The following C3orf70 variants were observed in gnomAD, a reference collection of about 807,000 sequenced individuals.
C3orf70 encodes UPF0524 protein C3orf70.
C3orf70 carries 15 observed loss-of-function variants against 20.7 expected under a neutral mutation model. That is an observed-to-expected ratio of 0.72 (90% CI 0.48 to 1.11). The LOEUF (loss-of-function observed/expected upper bound fraction) is 1.11, where lower values mean the gene tolerates loss of function less well. Ranked by LOEUF, C3orf70 falls within the 50% of genes most tolerant of loss-of-function variation. The probability of loss-of-function intolerance (pLI) is 0.00; values close to 1 mark genes in which losing one functional copy is unlikely to be tolerated. For synonymous variants in C3orf70, 161 were observed against 125.7 expected (o/e 1.28, Z -1.88); for missense variants, 332 against 317.6 (o/e 1.05, Z -0.34).
In C3orf70 at chr3:185,077,797, G is replaced by T. The variant is rs531211013; in HGVS notation, c.*5210C>A. ...ATGCTATTTGGTGGTGGTGGGGGGG[G>T]GGTATCAAGTTTTATTTGCTATAAA... On this transcript the variant is annotated 3_prime_UTR_variant, in exon 2 of 2. Transcript: ENST00000335012. Among the ~76,000 whole-genome samples, 3 of 150,302 alleles carry T rather than the reference G, an allele frequency of 2.0e-5. No homozygotes were observed. The highest frequency in any genetic ancestry group is 4.4e-5 in the Non-Finnish European group (3 of 67,632).
At chr3:185,108,130 C>T (rs1715986610) in intron 1 of C3orf70, among the ~76,000 whole-genome samples, 1 of 152,110 alleles carries the variant, frequency 6.6e-6, no homozygotes, top group African/African-American at 2.4e-5. Context: ...TGTAAGTATT[C>T]TTGATAATCA....
At chr3:185,128,482 C>T (rs1716458813) in intron 1 of C3orf70, among the ~76,000 whole-genome samples, 1 of 151,066 alleles carries the variant, frequency 6.6e-6, no homozygotes, top group South Asian at 2.1e-4. Flanking sequence ...GAGCCGATAT[C>T]GCACCACTGC....
intron 1 of C3orf70, among the ~76,000 whole-genome samples, chr3:185,119,445 G>A (rs1051491960): frequency 1.3e-5 from 2 of 152,072 alleles, no homozygotes; most frequent in African/African-American, 4.8e-5. Context: ...GAAGTCAGGA[G>A]ATCAAGACCA....
intron 1 of C3orf70, among the ~76,000 whole-genome samples, chr3:185,116,781 A>AT (rs34415840): frequency 0.06 from 8,649 of 143,500 alleles, 713 homozygotes; most frequent in African/African-American, 0.19. Flanking sequence ...AACCCTCTAC[A>AT]TTTTTTTTTT....
chr3:185,136,918 C>T (rs985073801), intron 1 of C3orf70, among the ~76,000 whole-genome samples: 9 of 36,784 alleles, frequency 2.4e-4, no homozygotes, highest in African/African-American at 9.0e-4. Context: ...AAAACAACAA[C>T]AACAACAACA....
intron 1 of C3orf70, among the ~76,000 whole-genome samples, chr3:185,084,120 T>C (rs1715411160): frequency 1.3e-5 from 2 of 151,950 alleles, no homozygotes; most frequent in African/African-American, 2.4e-5. Flanking sequence ...GAAGCGGAGG[T>C]TGCAGTGAGC....
rs992269659 is a variant in C3orf70 at position 185,077,379 on chromosome 3, G to A, written c.*5628C>T. On this transcript the variant is annotated 3_prime_UTR_variant, in exon 2 of 2. Transcript: ENST00000335012. ...TACGAGCTGTGCCACACTGGGTAAA[G>A]ATGTGGACTTCTTGAGCTCTTTTCC... 1.3e-5 allele frequency among the ~76,000 whole-genome samples: 2 copies of A among 152,202 alleles called. No individual in the cohort carries two copies. The highest frequency in any genetic ancestry group is 6.5e-5 in the Admixed American group (1 of 15,278).
intron 1 of C3orf70, among the ~76,000 whole-genome samples, chr3:185,144,684 C>A (rs1032885884): frequency 2.0e-5 from 3 of 149,784 alleles, no homozygotes; most frequent in Non-Finnish European, 4.4e-5. Flanking sequence ...GTTGGCCAGG[C>A]TGGTCTTGAA....
In C3orf70 at chr3:185,079,819, T is replaced by C. The variant is rs971533461; in HGVS notation, c.*3188A>G. ...AATGAGCATATTACTGGGTCCAAAG[T>C]ATACAGCTTTCATATCTGTCAGTCA... On this transcript the variant is annotated 3_prime_UTR_variant, in exon 2 of 2. Coordinates refer to ENST00000335012, the MANE Select transcript of C3orf70 (RefSeq NM_001025266.3). 4 of 152,682 alleles carry C rather than the reference T, an allele frequency of 2.6e-5. No individual in the cohort carries two copies. The highest frequency in any genetic ancestry group is 5.9e-5 in the Non-Finnish European group (4 of 68,044). The allele number at this position is 152,682 out of a possible 1,614,324, so 9.5% of individuals were successfully genotyped here.
At chr3:185,130,146 T>C (rs915925493) in intron 1 of C3orf70, among the ~76,000 whole-genome samples, 2 of 152,192 alleles carry the variant, frequency 1.3e-5, no homozygotes, top group Admixed American at 6.6e-5. Flanking sequence ...TTTACTAAAG[T>C]TTGGGCTAAA....
intron 1 of C3orf70, among the ~76,000 whole-genome samples, chr3:185,149,089 T>C (rs542160845): frequency 1.3e-5 from 2 of 152,294 alleles, no homozygotes; most frequent in South Asian, 4.1e-4. Flanking sequence ...TTTAAAAGAA[T>C]TACAAAAGTA....
chr3:185,116,480 C>A (rs1397220261), intron 1 of C3orf70, among the ~76,000 whole-genome samples: 2 of 152,188 alleles, frequency 1.3e-5, no homozygotes, highest in Non-Finnish European at 2.9e-5. Context: ...TTAGGCTGGA[C>A]AATTCTTGTG....
At chr3:185,097,342 A>C (rs1715730279) in intron 1 of C3orf70, among the ~76,000 whole-genome samples, 1 of 152,234 alleles carries the variant, frequency 6.6e-6, no homozygotes, top group South Asian at 2.1e-4. Flanking sequence ...AATGTATACT[A>C]AAACCTATTT....
chr3:185,104,132 C>T (rs1348473060), intron 1 of C3orf70, among the ~76,000 whole-genome samples: 1 of 152,156 alleles, frequency 6.6e-6, no homozygotes, highest in African/African-American at 2.4e-5. Flanking sequence ...TCTGGCTCCC[C>T]CCTCCGCTGT....
rs780152473 is a variant in C3orf70, at chr3:185,095,124, CCATT to C, written c.197-11565_197-11562del. On this transcript the variant is annotated intron_variant, in intron 1 of 1. Transcript: ENST00000335012. ...TTCTTAATGTCTTTCATTTTCATTA[CCATT>C]ATTATCTTTGATATTTTAATAACAA... Among the ~76,000 whole-genome samples, 87 of 152,222 alleles carry C rather than the reference CCATT, an allele frequency of 5.7e-4. 1 individual carries two copies. The highest frequency in any genetic ancestry group is 7.8e-4 in the Admixed American group (12 of 15,296).
chr3:185,134,262 T>G (rs1716579371), intron 1 of C3orf70, among the ~76,000 whole-genome samples: 1 of 152,120 alleles, frequency 6.6e-6, no homozygotes, highest in African/African-American at 2.4e-5. Context: ...CCATGAAAAC[T>G]TTTACCTATT....
intron 1 of C3orf70, among the ~76,000 whole-genome samples, chr3:185,132,560 G>A (rs767347944): frequency 8.6e-5 from 13 of 152,010 alleles, no homozygotes; most frequent in Non-Finnish European, 1.5e-4. Flanking sequence ...TCTCCAGAAG[G>A]CAGTATAGAG....
intron 1 of C3orf70, among the ~76,000 whole-genome samples, chr3:185,095,871 C>T (rs946195546): frequency 5.9e-5 from 9 of 151,522 alleles, no homozygotes; most frequent in Admixed American, 5.3e-4. Context: ...CGAATAGCTG[C>T]GACTATAGGT....
chr3:185,152,027 A>C (rs1014974908), intron 1 of C3orf70, among the ~76,000 whole-genome samples: 6 of 152,222 alleles, frequency 3.9e-5, no homozygotes, highest in African/African-American at 1.2e-4. Flanking sequence ...TCTAAATTCT[A>C]CATCTGGGTA....
Sources: allele counts gnomAD v4.1 joint callset (sites outside exome capture counted in the v4.1 genomes callset), GRCh38; gene constraint gnomAD v4.1.1; transcripts MANE v1.5; gene names NCBI Gene and HGNC (gene_info 2026-07-23, HGNC 2026-07-21).